The following LARP1 variants were observed in gnomAD, a reference collection of about 807,000 sequenced individuals.
LARP1 encodes la-related protein 1.
LARP1 carries 36 observed loss-of-function variants against 122.7 expected under a neutral mutation model. The observed-to-expected ratio is 0.29, with a 90% CI of 0.22 to 0.39. The LOEUF (loss-of-function observed/expected upper bound fraction) is 0.39, where lower values mean the gene tolerates loss of function less well. Among genes scored for constraint, LARP1 ranks in the 10% least tolerant of loss-of-function variants. The pLI, the probability that LARP1 is intolerant of heterozygous loss-of-function variation, is 1.00. For missense variants in LARP1, 1,040 were observed against 1,403.6 expected, an observed-to-expected ratio of 0.74 and a Z score of 4.14; for synonymous variants, 539 against 528.7, an observed-to-expected ratio of 1.02 and a Z score of -0.27.
intron 1 of LARP1, chr5:154,729,464 A>C (rs1477204255): frequency 2.6e-6 from 1 of 388,622 alleles, no homozygotes; most frequent in East Asian, 6.6e-5. Context: ...AAACAAGAGC[A>C]AGATTCTTGC....
At chr5:154,701,539 G>T (rs1445583007) in intron 1 of LARP1, among the ~76,000 whole-genome samples, 2 of 152,070 alleles carry the variant, frequency 1.3e-5, no homozygotes, top group Non-Finnish European at 2.9e-5. Flanking sequence ...ACAGTGATGG[G>T]CCAGGAATAG....
intron 1 of LARP1, among the ~76,000 whole-genome samples, chr5:154,727,968 T>C (rs1472300248): frequency 6.6e-6 from 1 of 152,158 alleles, no homozygotes; most frequent in East Asian, 1.9e-4. Flanking sequence ...CTCAGCAGGC[T>C]GAGGCAGGAG....
chr5:154,772,592 C>T (rs541733957), intron 1 of LARP1, among the ~76,000 whole-genome samples: 12 of 152,054 alleles, frequency 7.9e-5, no homozygotes, highest in Non-Finnish European at 1.2e-4. Context: ...GTAAATTAGG[C>T]GCAGTAAGAG....
intron 1 of LARP1, among the ~76,000 whole-genome samples, chr5:154,692,025 C>T (rs1256610977): frequency 2.6e-5 from 4 of 152,152 alleles, no homozygotes; most frequent in Admixed American, 2.0e-4. Flanking sequence ...CATCTGACCT[C>T]AGGCGATCCA....
chr5:154,778,258 TAAA>T (rs577057003), intron 1 of LARP1, among the ~76,000 whole-genome samples: 6 of 119,694 alleles, frequency 5.0e-5, no homozygotes, highest in African/African-American at 1.2e-4. Context: ...AGACTCCGTC[TAAA>T]AAAAAAAAAA....
Position 154,799,900 on chromosome 5 carries a change from T to G in LARP1, c.1574T>G (p.Val525Gly). ...TCGGCACCTGGCTCTCCTCGTGCAG[T>G]CACCCCAGTGCCAACCAAAACAGAG... ...TESAPGSPRA[V>G]TPVPTKTEEV... Residue 525 changes from valine (V) to glycine (G), a missense_variant, in exon 10 of 19, where the codon GTC becomes GGC. Around this residue, in one of 8 missense-constraint regions of LARP1, gnomAD observed 362 missense variants for 533.1 expected, o/e 0.68. Transcript: ENST00000518297. 6.2e-7 allele frequency: 1 copy of G among 1,614,024 alleles called. No homozygotes were observed.
chr5:154,790,587 G>A, intron 2 of LARP1, 58 bp from the exon 3 acceptor site: 2 of 1,580,762 alleles, frequency 1.3e-6, no homozygotes, highest in Admixed American at 1.7e-5. Flanking sequence ...TTGGGTCGGG[G>A]GCTGAATAGC....
chr5:154,812,666 C>T (rs1466537891), intron 18 of LARP1, among the ~76,000 whole-genome samples: 2 of 151,806 alleles, frequency 1.3e-5, no homozygotes, highest in African/African-American at 2.4e-5. Context: ...ATTATAGGTG[C>T]GCACCACCAC....
chr5:154,811,700 A>AGG (rs1208041921), intron 18 of LARP1, 60 bp downstream of exon 18: 10 of 1,601,886 alleles, frequency 6.2e-6, no homozygotes, highest in Non-Finnish European at 7.7e-6. Flanking sequence ...ACCAGGAATC[A>AGG]GGATACTTGG....
intron 1 of LARP1, among the ~76,000 whole-genome samples, chr5:154,770,680 G>T (rs1755334895): frequency 6.6e-6 from 1 of 152,132 alleles, no homozygotes; most frequent in Non-Finnish European, 1.5e-5. Context: ...GTGGGTTTTT[G>T]ATTTCAGGTA....
At chr5:154,723,092 C>A (rs553319031) in intron 1 of LARP1, among the ~76,000 whole-genome samples, 1 of 152,198 alleles carries the variant, frequency 6.6e-6, no homozygotes, top group Non-Finnish European at 1.5e-5. Context: ...TGAACGAAAG[C>A]CAACATCTGA....
At position 154,755,915 on chromosome 5, in the gene LARP1, C is replaced by T. The variant is rs1218190594; in HGVS notation, c.158C>T (p.Ala53Val). Residue 53 changes from alanine (A) to valine (V), a missense_variant, in exon 1 of 19, where the codon GCT becomes GTT. Around this residue, in one of 8 missense-constraint regions of LARP1, gnomAD observed 257 missense variants for 273.3 expected, o/e 0.94. Coordinates refer to ENST00000518297, the MANE Select transcript of LARP1 (RefSeq NM_033551.3). ...CGCGGGGGGGAGCCGGACGGCAGCG[C>T]TCGGAGACCCCGGCCGCCCTGCGCC... ...DVRGGEPDGS[A>V]RRPRPPCAKP... The T allele has an allele frequency of 8.0e-6, 8 of 1,004,786 alleles. No individual in the cohort carries two copies. Among genetic ancestry groups the T allele is most frequent in the African/African-American group, 3.5e-5 (2 of 57,340 alleles). 62.2% of individuals were successfully genotyped at this position (1,004,786 alleles called of 1,614,324 possible).
intron 1 of LARP1, among the ~76,000 whole-genome samples, chr5:154,715,829 G>A (rs547987856): frequency 2.6e-5 from 4 of 152,272 alleles, no homozygotes; most frequent in South Asian, 4.1e-4. Flanking sequence ...TAGTTATTGC[G>A]TACCTACGAT....
chr5:154,736,284 C>T (rs1756891853), intron 1 of LARP1, among the ~76,000 whole-genome samples: 1 of 151,492 alleles, frequency 6.6e-6, no homozygotes, highest in Non-Finnish European at 1.5e-5. Flanking sequence ...TTAGTGGACA[C>T]GGGGTTTCAC....
At chr5:154,749,680 G>T (rs1453999924) in intron 1 of LARP1, among the ~76,000 whole-genome samples, 1 of 151,698 alleles carries the variant, frequency 6.6e-6, no homozygotes, top group Non-Finnish European at 1.5e-5. Context: ...TGTTTTTTTT[G>T]GCCAAGGCCC....
intron 1 of LARP1, among the ~76,000 whole-genome samples, chr5:154,782,205 G>C (rs992717163): frequency 7.9e-5 from 12 of 152,138 alleles, no homozygotes; most frequent in African/African-American, 2.7e-4. Flanking sequence ...CAGCAACTTA[G>C]GTCAGTTTTT....
Position 154,803,229 on chromosome 5 carries a change from A to T in LARP1, c.2110-61A>T. On this transcript the variant is annotated intron_variant, in intron 11 of 18. Coordinates refer to ENST00000518297, the MANE Select transcript of LARP1 (RefSeq NM_033551.3). This position sits in a 1 kb window ranked among gnomAD's most constrained non-coding sequence, Gnocchi z 4.4. ...AACTTCCTGCCAGTCTTGATTCCTT[A>T]AACAGGCTAGAGCAGCCTGCTTACT... is the stretch of plus-strand genomic sequence containing the variant. 6.2e-7 allele frequency: 1 copy of T among 1,607,044 alleles called. No individual in the cohort carries two copies. Among genetic ancestry groups the T allele is most frequent in the Non-Finnish European group, 8.5e-7 (1 of 1,174,170 alleles).
rs543019101 is a variant in LARP1 at position 154,811,040 on chromosome 5, G to A, written c.2844-207G>A. On this transcript the variant is annotated intron_variant, in intron 16 of 18. Coordinates refer to ENST00000518297, the MANE Select transcript of LARP1 (RefSeq NM_033551.3). Reference sequence around the variant, plus strand: ...AGGAGTAAACAAATGTCTGTGGCAGGGGGACAGAGTTCCTTGACTGCAGGA... The same window carrying A: ...AGGAGTAAACAAATGTCTGTGGCAGAGGGACAGAGTTCCTTGACTGCAGGA... 1.1e-4 allele frequency among the ~76,000 whole-genome samples: 17 copies of A among 152,292 alleles called. No homozygotes were observed. The South Asian group carries it at 2.5e-3, about 22-fold the overall frequency.
At chr5:154,768,125 C>T (rs771155144) in intron 1 of LARP1, among the ~76,000 whole-genome samples, 16 of 152,142 alleles carry the variant, frequency 1.1e-4, no homozygotes, top group Non-Finnish European at 1.5e-5. Context: ...TAGGTTTTGC[C>T]TGTAGTCAAG....
Sources: gnomAD v4.1 joint callset for allele counts (sites outside exome capture counted in the v4.1 genomes callset) on GRCh38, gnomAD v4.1.1 for gene constraint, gnomAD v4.1.1 regional missense constraint, Gnocchi (gnomAD v3.1) non-coding constraint, MANE v1.5 for transcripts, NCBI Gene and HGNC (gene_info 2026-07-23, HGNC 2026-07-21) for gene names.